Variants in TFAP2B observed in about 807,000 individuals in gnomAD.
TFAP2B encodes the protein transcription factor AP-2 beta.
TFAP2B carries 9 observed loss-of-function variants against 44.3 expected under a neutral mutation model. That is an observed-to-expected ratio of 0.20 (90% confidence interval 0.12 to 0.35). The LOEUF (loss-of-function observed/expected upper bound fraction) is 0.35, where lower values mean the gene tolerates loss of function less well. Among genes scored for constraint, TFAP2B ranks in the 10% least tolerant of loss-of-function variants. TFAP2B has a pLI of 1.00. For synonymous variants in TFAP2B, 270 were observed against 263.8 expected (o/e 1.02, Z -0.23); for missense variants, 509 against 600.0 (o/e 0.85, Z 1.59).
intron 2 of TFAP2B, among the ~76,000 whole-genome samples, chr6:50,827,842 C>T (rs1159394306): frequency 6.6e-6 from 1 of 152,184 alleles, no homozygotes; most frequent in Admixed American, 6.5e-5. Flanking sequence ...AGAGTTGAAA[C>T]TTTCCTTCTC....
At chr6:50,826,499 AG>A (rs1289607734) in intron 2 of TFAP2B, among the ~76,000 whole-genome samples, 1 of 151,782 alleles carries the variant, frequency 6.6e-6, no homozygotes, top group Non-Finnish European at 1.5e-5. Flanking sequence ...ATTTACTCAC[AG>A]GGGCTATTAA....
intron 3 of TFAP2B, among the ~76,000 whole-genome samples, chr6:50,832,354 T>C (rs541065146): frequency 3.3e-5 from 5 of 152,356 alleles, no homozygotes; most frequent in African/African-American, 1.2e-4. Context: ...TCCAGCCTTT[T>C]AGCCTTCTAG....
In TFAP2B at chr6:50,845,701, G is replaced by A. The variant is rs1357005018; in HGVS notation, c.*2309G>A. ...AAACGATCGTCTCCTTTCCTTGCAG[G>A]GCAACGCGCCCCACGCGTGTGACGT... On this transcript the variant is annotated 3_prime_UTR_variant, in exon 7 of 7. Transcript: ENST00000393655. The A allele has an allele frequency of 2.6e-5, 4 of 152,828 alleles. No homozygotes were observed. The highest frequency in any genetic ancestry group is 4.4e-5 in the Non-Finnish European group (3 of 68,178). The allele number at this position is 152,828 out of a possible 1,614,324, so 9.5% of individuals were successfully genotyped here.
intron 5 of TFAP2B, among the ~76,000 whole-genome samples, chr6:50,839,482 A>T: frequency 6.6e-6 from 1 of 152,148 alleles, no homozygotes; most frequent in Non-Finnish European, 1.5e-5. Flanking sequence ...GCTTTCACAT[A>T]AGCTGAGTAA....
At chr6:50,837,676 G>A (rs1019069625) in intron 4 of TFAP2B, among the ~76,000 whole-genome samples, 6 of 152,114 alleles carry the variant, frequency 3.9e-5, no homozygotes, top group African/African-American at 7.2e-5. Context: ...GCACGTGCAT[G>A]TGCAGCTTCT....
At chr6:50,838,463 G>C (rs1319898419) in intron 5 of TFAP2B, among the ~76,000 whole-genome samples, 14 of 152,152 alleles carry the variant, frequency 9.2e-5, no homozygotes, top group African/African-American at 3.4e-4. Flanking sequence ...GATTTGAATT[G>C]TCAGTAGTAG....
intron 2 of TFAP2B, among the ~76,000 whole-genome samples, chr6:50,825,987 G>T (rs1295635355): frequency 6.6e-6 from 1 of 152,176 alleles, no homozygotes; most frequent in Non-Finnish European, 1.5e-5. Flanking sequence ...CTGATGCAGG[G>T]CAGGTGACAA....
At chr6:50,839,355 T>C (rs1762680575) in intron 5 of TFAP2B, among the ~76,000 whole-genome samples, 1 of 152,232 alleles carries the variant, frequency 6.6e-6, no homozygotes, top group South Asian at 2.1e-4. Context: ...TAAGTCATCC[T>C]CCTTAAAAAT....
At chr6:50,829,424 C>T (rs1770613743) in intron 3 of TFAP2B, among the ~76,000 whole-genome samples, 1 of 152,154 alleles carries the variant, frequency 6.6e-6, no homozygotes, top group Admixed American at 6.5e-5. Context: ...ATTTTTTCTG[C>T]TTTTCTCTGA....
intron 5 of TFAP2B, 132 bp downstream of exon 5, chr6:50,838,225 G>A (rs1267102433): frequency 4.6e-5 from 39 of 846,660 alleles, no homozygotes; most frequent in Admixed American, 2.6e-4. Context: ...GATGTCAAGC[G>A]GCTTCTTGAG....
intron 2 of TFAP2B, among the ~76,000 whole-genome samples, chr6:50,828,202 A>T (rs1770581137): frequency 6.6e-6 from 1 of 152,204 alleles, no homozygotes; most frequent in Non-Finnish European, 1.5e-5. Context: ...GTAAACTATT[A>T]TGTATTTGTA....
rs570059667 is a variant in TFAP2B at position 50,839,949 on chromosome 6, G to A, written c.941-207G>A. ...CTAGGAGTTGGCTCAGGGAGAGGCA[G>A]GAAAAAGAGACAGGAGCAAAGTTGG... On this transcript the variant is annotated intron_variant, in intron 5 of 6. Transcript: ENST00000393655. Among the ~76,000 whole-genome samples the A allele has an allele frequency of 4.9e-4, 74 of 152,140 alleles. 1 individual carries two copies. The highest frequency in any genetic ancestry group is 8.5e-4 in the Non-Finnish European group (58 of 68,016).
At chr6:50,833,315 G>T (rs112022417) in intron 3 of TFAP2B, among the ~76,000 whole-genome samples, 1 of 152,184 alleles carries the variant, frequency 6.6e-6, no homozygotes, top group Admixed American at 6.5e-5. Context: ...AAAGTGGAAG[G>T]GAAAGTAGAT....
chr6:50,840,156 G>C lies in TFAP2B; in HGVS notation c.941G>C (p.Gly314Ala). 6.2e-7 allele frequency: 1 copy of C among 1,614,074 alleles called. No individual in the cohort carries two copies. The highest frequency in any genetic ancestry group is 8.5e-7 in the Non-Finnish European group (1 of 1,180,038). The change falls in exon 6 of 7, where the codon GGA (glycine) becomes GCA (alanine). Residue 314 changes from glycine (G) to alanine (A), a missense_variant and splice_region_variant. Gly to Ala is a moderately conservative substitution (Grantham distance 60). Coordinates refer to ENST00000393655, the MANE Select transcript of TFAP2B (RefSeq NM_003221.4). ...NVTLLTSLVE[G>A]EAVHLARDFG... ...TTACCTTTACTGCTGTCTTTTTCAG[G>C]AGAAGCTGTTCACTTAGCTAGGGAT...
At chr6:50,829,117 G>T (rs2857500) in intron 3 of TFAP2B, among the ~76,000 whole-genome samples, 2 of 152,088 alleles carry the variant, frequency 1.3e-5, no homozygotes, top group African/African-American at 2.4e-5. Flanking sequence ...TGATAATTTT[G>T]TTCCCAGTTC....
At chr6:50,827,540 T>C (rs1770562143) in intron 2 of TFAP2B, among the ~76,000 whole-genome samples, 1 of 152,226 alleles carries the variant, frequency 6.6e-6, no homozygotes. Context: ...ACTGTGAGGA[T>C]GCAGCATGAG....
chr6:50,839,811 A>G (rs938676704), intron 5 of TFAP2B, among the ~76,000 whole-genome samples: 1 of 152,216 alleles, frequency 6.6e-6, no homozygotes, highest in African/African-American at 2.4e-5. Context: ...CTTTAAAAAG[A>G]AAGAGGAATC....
intron 3 of TFAP2B, among the ~76,000 whole-genome samples, chr6:50,828,992 T>C (rs1039235245): frequency 1.2e-4 from 18 of 152,244 alleles, no homozygotes; most frequent in Non-Finnish European, 2.2e-4. Context: ...AATTGGCTGG[T>C]AAACACTGGT....
chr6:50,842,959 A>C, intron 6 of TFAP2B, 133 bp from the exon 7 acceptor site: 1 of 1,247,252 alleles, frequency 8.0e-7, no homozygotes, highest in Non-Finnish European at 1.2e-6. Context: ...GAAAGGAAAC[A>C]GAGCGGAATC....
Sources: gnomAD v4.1 joint callset for allele counts (sites outside exome capture counted in the v4.1 genomes callset) on GRCh38, gnomAD v4.1.1 for gene constraint, MANE v1.5 for transcripts, NCBI Gene and HGNC (gene_info 2026-07-23, HGNC 2026-07-21) for gene names.